The following SLC24A3 variants were observed in gnomAD, a reference collection of about 807,000 sequenced individuals.
The protein encoded by SLC24A3 is solute carrier family 24 member 3, also known as sodium/potassium/calcium exchanger 3.
In SLC24A3, 28 loss-of-function variants were observed where a neutral mutation model predicts 75.8. That is an observed-to-expected ratio of 0.37 (90% confidence interval 0.27 to 0.51). SLC24A3 has a LOEUF of 0.51. Ranked by LOEUF, SLC24A3 falls within the 20% of genes least tolerant of loss-of-function variation. The probability of loss-of-function intolerance (pLI) is 0.94; values close to 1 mark genes in which losing one functional copy is unlikely to be tolerated. For synonymous variants in SLC24A3, 372 were observed against 334.1 expected (o/e 1.11, Z -1.24); for missense variants, 663 against 847.8 (o/e 0.78, Z 2.71).
chr20:19,688,313 GTTC>G (rs1344038448), intron 12 of SLC24A3, among the ~76,000 whole-genome samples: 4 of 152,202 alleles, frequency 2.6e-5, no homozygotes, highest in Admixed American at 2.6e-4. Flanking sequence ...AATCTTCCCA[GTTC>G]TTCTAAGATG....
intron 2 of SLC24A3, among the ~76,000 whole-genome samples, chr20:19,414,874 G>A (rs1986801804): frequency 6.6e-6 from 1 of 152,094 alleles, no homozygotes; most frequent in Admixed American, 6.5e-5. Flanking sequence ...TGCCTTGGCT[G>A]TCAAAAACCT....
intron 1 of SLC24A3, among the ~76,000 whole-genome samples, chr20:19,274,041 C>T (rs552772530): frequency 2.0e-5 from 3 of 151,086 alleles, no homozygotes; most frequent in Non-Finnish European, 4.4e-5. Context: ...TGCCTTCTCC[C>T]CTCTTCCCCT....
At chr20:19,220,296 T>C (rs1225107831) in intron 1 of SLC24A3, among the ~76,000 whole-genome samples, 3 of 152,376 alleles carry the variant, frequency 2.0e-5, no homozygotes, top group African/African-American at 7.2e-5. Flanking sequence ...TTAGGGACTT[T>C]CACATTTGCA....
rs754547750 is a variant in SLC24A3 at position 19,681,913 on chromosome 20, A to G, written c.823A>G (p.Met275Val). The change falls in exon 10 of 17, where the codon ATG becomes GTG. Residue 275 changes from methionine (M) to valine (V), a missense_variant. By Grantham distance (21) the Met-to-Val change is conservative. Transcript: ENST00000328041. Reference protein sequence around the residue: ...FERRTKGAGNMVNGLANNAEI... With the variant: ...FERRTKGAGNVVNGLANNAEI... ...GAGGAGGACAAAAGGTGCCGGGAAC[A>G]TGGTCAACGGATTGGCCAACAATGC... The G allele has an allele frequency of 5.6e-6, 9 of 1,614,096 alleles. No homozygotes were observed. The highest frequency in any genetic ancestry group is 1.6e-4 in the Middle Eastern group (1 of 6,084).
chr20:19,323,862 A>G lies in SLC24A3; in HGVS notation c.271+42775A>G, dbSNP rs557135512. ...TACTCAGTTTAAAAAAGTTTTTTTG[A>G]TAGCTCTGCAAACCATTTAATTGAT... On this transcript the variant is annotated intron_variant, in intron 2 of 16. Coordinates refer to ENST00000328041, the MANE Select transcript of SLC24A3 (RefSeq NM_020689.4). Among the ~76,000 whole-genome samples the G allele has an allele frequency of 3.3e-4, 50 of 152,342 alleles. No homozygotes were observed. The East Asian group carries it at 8.9e-3, about 27-fold the overall frequency.
chr20:19,486,287 G>A (rs546539049), intron 2 of SLC24A3, among the ~76,000 whole-genome samples: 2 of 152,306 alleles, frequency 1.3e-5, no homozygotes, highest in East Asian at 1.9e-4. Flanking sequence ...ACTGATCACT[G>A]TTTGCCAAGG....
At chr20:19,566,197 G>A (rs1369194352) in intron 3 of SLC24A3, among the ~76,000 whole-genome samples, 1 of 152,250 alleles carries the variant, frequency 6.6e-6, no homozygotes, top group Non-Finnish European at 1.5e-5. Flanking sequence ...AAGGATCTGA[G>A]AACAGAGTGG....
intron 6 of SLC24A3, among the ~76,000 whole-genome samples, chr20:19,629,842 A>C (rs1235037037): frequency 6.6e-6 from 1 of 152,246 alleles, no homozygotes; most frequent in Non-Finnish European, 1.5e-5. Flanking sequence ...ATTTTCTCAG[A>C]TAAATAAAAG....
chr20:19,569,832 C>G (rs1368959941), intron 3 of SLC24A3, among the ~76,000 whole-genome samples: 1 of 152,208 alleles, frequency 6.6e-6, no homozygotes, highest in Non-Finnish European at 1.5e-5. Flanking sequence ...TTATTAGGCT[C>G]TGGGGGTCTC....
chr20:19,676,001 A>T (rs2032518426), intron 9 of SLC24A3, among the ~76,000 whole-genome samples: 1 of 152,214 alleles, frequency 6.6e-6, no homozygotes, highest in African/African-American at 2.4e-5. Context: ...TTAGTTGATT[A>T]TTCTGGAAGA....
At chr20:19,257,712 G>T (rs1287023269) in intron 1 of SLC24A3, 2 of 152,216 alleles carry the variant, frequency 1.3e-5, no homozygotes, top group African/African-American at 4.8e-5. Flanking sequence ...GAACCAGAGT[G>T]TGTTCATGTC....
At chr20:19,410,606 C>T (rs904801246) in intron 2 of SLC24A3, among the ~76,000 whole-genome samples, 6 of 152,012 alleles carry the variant, frequency 3.9e-5, no homozygotes, top group East Asian at 1.9e-4. Flanking sequence ...GTGGTTCTCT[C>T]GGGGAGGTCT....
chr20:19,553,894 T>C (rs933428930), intron 3 of SLC24A3, among the ~76,000 whole-genome samples: 1 of 152,110 alleles, frequency 6.6e-6, no homozygotes, highest in Non-Finnish European at 1.5e-5. Context: ...GTAGATAACT[T>C]ACATTGGCAG....
chr20:19,423,936 G>T (rs1359468333), intron 2 of SLC24A3, among the ~76,000 whole-genome samples: 2 of 152,188 alleles, frequency 1.3e-5, no homozygotes, highest in Non-Finnish European at 1.5e-5. Context: ...GTGCAGGAAA[G>T]GAGTTTGTCT....
intron 2 of SLC24A3, among the ~76,000 whole-genome samples, chr20:19,341,651 C>G (rs1214880236): frequency 6.6e-6 from 1 of 152,210 alleles, no homozygotes; most frequent in East Asian, 1.9e-4. Flanking sequence ...CCCAGCCACC[C>G]AGGAACGCTA....
rs143280317 is a variant in SLC24A3 at position 19,321,292 on chromosome 20, A to G, written c.271+40205A>G. 2.5e-3 allele frequency among the ~76,000 whole-genome samples: 382 copies of G among 152,312 alleles called. 4 individuals are homozygous for G. Among genetic ancestry groups the G allele is most frequent in the African/African-American group, 8.8e-3 (367 of 41,566 alleles). On this transcript the variant is annotated intron_variant, in intron 2 of 16. Transcript: ENST00000328041. ...AGTAACCTTAAGAAGTTTAAAAACA[A>G]TACAAGTAAGGTTTTTGTCACATTA...
At chr20:19,275,483 TG>T (rs1983456407) in intron 1 of SLC24A3, among the ~76,000 whole-genome samples, 1 of 151,994 alleles carries the variant, frequency 6.6e-6, no homozygotes, top group Non-Finnish European at 1.5e-5. Context: ...CTGGGGCTAG[TG>T]TTTGGGAAGG....
chr20:19,227,844 CATTT>C (rs1193812128), intron 1 of SLC24A3, among the ~76,000 whole-genome samples: 1 of 152,160 alleles, frequency 6.6e-6, no homozygotes, highest in Non-Finnish European at 1.5e-5. Flanking sequence ...TGTTATCACT[CATTT>C]ATCTTTCCAG....
chr20:19,339,744 C>T (rs1985224736), intron 2 of SLC24A3, among the ~76,000 whole-genome samples: 1 of 152,174 alleles, frequency 6.6e-6, no homozygotes, highest in Admixed American at 6.5e-5. Flanking sequence ...TGGAGACAAC[C>T]CTCATCAGAT....
Sources: gnomAD v4.1 joint callset for allele counts (sites outside exome capture counted in the v4.1 genomes callset) on GRCh38, gnomAD v4.1.1 for gene constraint, MANE v1.5 for transcripts, NCBI Gene and HGNC (gene_info 2026-07-23, HGNC 2026-07-21) for gene names.